The following NLN variants were observed in gnomAD, a reference collection of about 807,000 sequenced individuals.
NLN encodes the protein neurolysin, also known as neurolysin, mitochondrial.
NLN carries 64 observed loss-of-function variants against 79.9 expected under a neutral mutation model. That is an observed-to-expected ratio of 0.80 (90% CI 0.65 to 0.99). The LOEUF (loss-of-function observed/expected upper bound fraction) is 0.99, where lower values mean the gene tolerates loss of function less well. Ranked by LOEUF, NLN falls within the 50% of genes least tolerant of loss-of-function variation. The probability of loss-of-function intolerance (pLI) is 0.00; values close to 1 mark genes in which losing one functional copy is unlikely to be tolerated. For synonymous variants in NLN, 267 were observed against 296.6 expected (o/e 0.90, Z 1.02); for missense variants, 835 against 858.7 (o/e 0.97, Z 0.34).
chr5:65,738,856 A>G (rs974682012), intron 1 of NLN, among the ~76,000 whole-genome samples: 1 of 148,538 alleles, frequency 6.7e-6, no homozygotes, highest in Non-Finnish European at 1.5e-5. Flanking sequence ...TCCCAAGTTC[A>G]AGTGATTCTC....
chr5:65,814,703 T>C (rs1162783843), intron 12 of NLN, among the ~76,000 whole-genome samples: 3 of 151,576 alleles, frequency 2.0e-5, no homozygotes, highest in Non-Finnish European at 4.4e-5. Context: ...CCAAAACAAA[T>C]AGAAATTAAA....
chr5:65,809,946 G>A, intron 10 of NLN, 91 bp from the exon 11 acceptor site: 1 of 1,413,278 alleles, frequency 7.1e-7, no homozygotes, highest in Non-Finnish European at 9.8e-7. Context: ...GAGTACTACT[G>A]GAATCTGTTT....
intron 1 of NLN, among the ~76,000 whole-genome samples, chr5:65,734,911 A>T (rs1181856156): frequency 6.6e-6 from 1 of 152,208 alleles, no homozygotes; most frequent in African/African-American, 2.4e-5. Context: ...CAAGATACAA[A>T]ATAGGGAACC....
At chr5:65,792,751 GA>G (rs201389767) in intron 9 of NLN, 96 bp downstream of exon 9, 17,507 of 1,035,928 alleles carry the variant, frequency 0.017, 204 homozygotes, top group South Asian at 0.035. Context: ...GGTTTTTTCA[GA>G]AGCTGAATGT....
chr5:65,765,226 A>G (rs1481576723), intron 3 of NLN, among the ~76,000 whole-genome samples: 2 of 151,792 alleles, frequency 1.3e-5, no homozygotes, highest in African/African-American at 4.8e-5. Flanking sequence ...CTACAAAAAT[A>G]AAAAATAGTG....
At chr5:65,732,298 CAGAG>C (rs1579906842) in intron 1 of NLN, among the ~76,000 whole-genome samples, 1 of 88,854 alleles carries the variant, frequency 1.1e-5, no homozygotes, top group African/African-American at 4.5e-5. Flanking sequence ...CCAGATGCTA[CAGAG>C]AGAGACATGC....
chr5:65,811,706 G>A (rs1361816872), intron 11 of NLN, among the ~76,000 whole-genome samples: 2 of 151,796 alleles, frequency 1.3e-5, no homozygotes, highest in South Asian at 2.1e-4. Flanking sequence ...CCTGTAATCC[G>A]AGCTACTCAG....
rs1426461484 is a variant in NLN at position 65,828,913 on chromosome 5, C to T, written c.*5998C>T. On this transcript the variant is annotated 3_prime_UTR_variant, in exon 13 of 13. Coordinates refer to ENST00000380985, the MANE Select transcript of NLN (RefSeq NM_020726.5). ...TTTATGGCTTAAGGTTGCCTCGCTCCTCATCTGTAATCAGTGAAAGTTTAT... is the reference window on the plus strand; with the variant it reads ...TTTATGGCTTAAGGTTGCCTCGCTCTTCATCTGTAATCAGTGAAAGTTTAT... The T allele has an allele frequency of 6.6e-6, 1 of 152,178 alleles. No homozygotes were observed. Among genetic ancestry groups the T allele is most frequent in the African/African-American group, 2.4e-5 (1 of 41,434 alleles). 9.4% of individuals were successfully genotyped at this position (152,178 alleles called of 1,614,324 possible). A position where few individuals can be genotyped will look rare whatever the true frequency, so the allele number is the denominator to read the frequency against.
In NLN at chr5:65,768,656, A is replaced by C. The variant is rs144513499; in HGVS notation, c.450+5548A>C. Among the ~76,000 whole-genome samples the C allele has an allele frequency of 9.2e-3, 1,399 of 152,360 alleles. 17 individuals carry two copies. Among genetic ancestry groups the C allele is most frequent in the Admixed American group, 0.016 (240 of 15,304 alleles). On this transcript the variant is annotated intron_variant, in intron 3 of 12. Coordinates refer to ENST00000380985, the MANE Select transcript of NLN (RefSeq NM_020726.5). ...TTGTAGAGGCTGCAAGTCCGAGATCAGTGTGCCAGCATGGTTGGGTTCTGG... is the reference window on the plus strand; with the variant it reads ...TTGTAGAGGCTGCAAGTCCGAGATCCGTGTGCCAGCATGGTTGGGTTCTGG...
rs527966454 is a variant in NLN at position 65,733,294 on chromosome 5, C to T, written c.41+10880C>T. On this transcript the variant is annotated intron_variant, in intron 1 of 12. Coordinates refer to ENST00000380985, the MANE Select transcript of NLN (RefSeq NM_020726.5). ...GTTGCTGCTACTCTCGAGACCCTCA[C>T]GTTAAAGGACTGTCAGATCCAGGAC... The T allele has an allele frequency of 2.4e-5, 36 of 1,514,626 alleles. 9 individuals are homozygous for T. The highest frequency in any genetic ancestry group is 1.9e-4 in the African/African-American group (13 of 67,558). The allele number at this position is 1,514,626 out of a possible 1,614,324, so 93.8% of individuals were successfully genotyped here.
rs539941997 is a variant in NLN, at chr5:65,812,980, C to T, written c.1980+589C>T. On this transcript the variant is annotated intron_variant, in intron 12 of 12. Coordinates refer to ENST00000380985, the MANE Select transcript of NLN (RefSeq NM_020726.5). ...ATTTACAGCCCCCAATCTCCATTCTCATTGAAGTCTCATCCATCAGATTAT... is the reference window on the plus strand; with the variant it reads ...ATTTACAGCCCCCAATCTCCATTCTTATTGAAGTCTCATCCATCAGATTAT... Among the ~76,000 whole-genome samples the T allele has an allele frequency of 2.6e-5, 4 of 152,354 alleles. No homozygotes were observed. The East Asian group carries it at 7.7e-4, about 29-fold the overall frequency.
At chr5:65,742,096 T>C (rs1044385866) in intron 1 of NLN, among the ~76,000 whole-genome samples, 1 of 152,178 alleles carries the variant, frequency 6.6e-6, no homozygotes, top group African/African-American at 2.4e-5. Context: ...CATTTTAACA[T>C]TTTTATTCAT....
At chr5:65,794,448 T>C (rs1414238815) in intron 9 of NLN, among the ~76,000 whole-genome samples, 1 of 151,862 alleles carries the variant, frequency 6.6e-6, no homozygotes, top group Non-Finnish European at 1.5e-5. Flanking sequence ...CTACAAAAGA[T>C]ACAAAAATTA....
At chr5:65,729,289 G>A (rs1420270942) in intron 1 of NLN, among the ~76,000 whole-genome samples, 2 of 151,900 alleles carry the variant, frequency 1.3e-5, no homozygotes, top group Admixed American at 1.3e-4. Context: ...GTAAAGAAAG[G>A]GTTTTTTAAG....
intron 9 of NLN, among the ~76,000 whole-genome samples, chr5:65,795,072 A>G (rs1220085561): frequency 2.0e-5 from 3 of 151,988 alleles, no homozygotes; most frequent in Non-Finnish European, 4.4e-5. Flanking sequence ...CATAGCACTG[A>G]CTGGGCGTGG....
intron 1 of NLN, among the ~76,000 whole-genome samples, chr5:65,755,760 A>T (rs1759203170): frequency 6.6e-6 from 1 of 152,228 alleles, no homozygotes; most frequent in Admixed American, 6.5e-5. Flanking sequence ...AGTTGTAAGC[A>T]TCAACTAGTA....
intron 9 of NLN, 41 bp from the exon 10 acceptor site, chr5:65,809,474 C>T (rs921889163): frequency 6.6e-7 from 1 of 1,520,238 alleles, no homozygotes; most frequent in Non-Finnish European, 8.9e-7. Flanking sequence ...TATGTACTTT[C>T]ATTGAGTTCT....
At chr5:65,741,356 GA>G (rs761652776) in intron 1 of NLN, among the ~76,000 whole-genome samples, 44 of 152,180 alleles carry the variant, frequency 2.9e-4, no homozygotes, top group South Asian at 6.2e-4. Context: ...ATCACTTTGT[GA>G]AATTTTTTTT....
intron 6 of NLN, among the ~76,000 whole-genome samples, chr5:65,783,557 T>C (rs1759850885): frequency 6.6e-6 from 1 of 152,106 alleles, no homozygotes; most frequent in South Asian, 2.1e-4. Context: ...TAACCAAGTG[T>C]CCGGCAAAAA....
Sources: gnomAD v4.1 joint callset for allele counts (sites outside exome capture counted in the v4.1 genomes callset) on GRCh38, gnomAD v4.1.1 for gene constraint, MANE v1.5 for transcripts, NCBI Gene and HGNC (gene_info 2026-07-23, HGNC 2026-07-21) for gene names.